POU6F2: variants seen among roughly 807,000 people sequenced by gnomAD.
The protein encoded by POU6F2 is POU class 6 homeobox 2.
In POU6F2, 31 loss-of-function variants were observed where a neutral mutation model predicts 71.3. The observed-to-expected ratio is 0.43, with a 90% CI of 0.33 to 0.59. The LOEUF (loss-of-function observed/expected upper bound fraction) is 0.59. Among genes scored for constraint, POU6F2 ranks in the 20% least tolerant of loss-of-function variants. The pLI is 0.04. For missense variants in POU6F2, 783 were observed against 856.8 expected, an observed-to-expected ratio of 0.91 and a Z score of 1.07; for synonymous variants, 347 against 355.7, an observed-to-expected ratio of 0.98 and a Z score of 0.27.
chr7:39,033,842 G>T (rs1398724422), intron 1 of POU6F2, among the ~76,000 whole-genome samples: 1 of 152,214 alleles, frequency 6.6e-6, no homozygotes, highest in East Asian at 1.9e-4. Flanking sequence ...GCTAGTGGAT[G>T]TATTCAGGGT....
chr7:39,313,583 G>T (rs1406287718), intron 4 of POU6F2, among the ~76,000 whole-genome samples: 1 of 152,002 alleles, frequency 6.6e-6, no homozygotes, highest in Non-Finnish European at 1.5e-5. Flanking sequence ...ATAAATCAGG[G>T]TCTAAGTCCA....
intron 1 of POU6F2, among the ~76,000 whole-genome samples, chr7:38,991,844 C>T (rs1788610919): frequency 6.6e-6 from 1 of 151,502 alleles, no homozygotes. Context: ...TCACTTCTCT[C>T]TCTCTCTCTC....
intron 2 of POU6F2, among the ~76,000 whole-genome samples, chr7:39,148,994 A>T (rs1375999967): frequency 2.6e-5 from 4 of 152,262 alleles, no homozygotes; most frequent in Middle Eastern, 6.8e-3. Flanking sequence ...GAGCATATTT[A>T]TTTGCTGAGG....
chr7:39,050,656 GT>G (rs1197191292), intron 1 of POU6F2, among the ~76,000 whole-genome samples: 2 of 152,070 alleles, frequency 1.3e-5, no homozygotes, highest in African/African-American at 4.8e-5. Flanking sequence ...GTTGCTTATT[GT>G]TGACATCTCT....
chr7:39,369,964 C>T (rs1022176381), intron 5 of POU6F2, among the ~76,000 whole-genome samples: 8 of 152,048 alleles, frequency 5.3e-5, no homozygotes, highest in African/African-American at 1.9e-4. Context: ...AAAGTACTGC[C>T]ACCGCACCCA....
intron 7 of POU6F2, among the ~76,000 whole-genome samples, chr7:39,449,682 A>C (rs567637329): frequency 1.3e-5 from 2 of 152,312 alleles, no homozygotes; most frequent in Admixed American, 6.5e-5. Flanking sequence ...TCATAGCCCC[A>C]AACTGGAAAC....
At chr7:39,205,550 T>C (rs1793993713) in intron 3 of POU6F2, among the ~76,000 whole-genome samples, 1 of 152,160 alleles carries the variant, frequency 6.6e-6, no homozygotes, top group African/African-American at 2.4e-5. Flanking sequence ...GAGCTACTTA[T>C]TTGCCTTCCC....
At chr7:39,105,574 T>G (rs1324778340) in intron 2 of POU6F2, among the ~76,000 whole-genome samples, 1 of 152,128 alleles carries the variant, frequency 6.6e-6, no homozygotes, top group Non-Finnish European at 1.5e-5. Context: ...GTATTCTTGG[T>G]GCTTTAGATA....
intron 4 of POU6F2, among the ~76,000 whole-genome samples, chr7:39,213,803 C>T (rs1171423757): frequency 1.3e-5 from 2 of 152,220 alleles, no homozygotes; most frequent in Non-Finnish European, 2.9e-5. Flanking sequence ...TCCCAGTGGG[C>T]AGACATCACG....
intron 1 of POU6F2, among the ~76,000 whole-genome samples, chr7:39,058,700 T>C (rs1333564269): frequency 6.6e-6 from 1 of 152,188 alleles, no homozygotes; most frequent in East Asian, 1.9e-4. Context: ...ATTAGGAGAA[T>C]AAATTATTCT....
intron 6 of POU6F2, among the ~76,000 whole-genome samples, chr7:39,418,183 T>C (rs1787726564): frequency 6.6e-6 from 1 of 152,240 alleles, no homozygotes; most frequent in South Asian, 2.1e-4. Flanking sequence ...TATTTTGTTT[T>C]GTTCACTGCA....
intron 6 of POU6F2, among the ~76,000 whole-genome samples, chr7:39,432,719 G>T (rs1788137505): frequency 6.6e-6 from 1 of 152,126 alleles, no homozygotes; most frequent in African/African-American, 2.4e-5. Flanking sequence ...ACTCTTCCCA[G>T]GTGGAAGAGG....
chr7:39,030,866 AAATTG>A (rs1789926218), intron 1 of POU6F2, among the ~76,000 whole-genome samples: 1 of 151,776 alleles, frequency 6.6e-6, no homozygotes, highest in Non-Finnish European at 1.5e-5. Flanking sequence ...CCCCAAAAAA[AAATTG>A]AACTAAACTT....
At chr7:39,027,921 T>G (rs859543) in intron 1 of POU6F2, among the ~76,000 whole-genome samples, 150,100 of 152,298 alleles carry the variant, frequency 0.99, 74,006 homozygotes, top group East Asian at 1. Context: ...ATGCCAATTT[T>G]TATTTCAGAT....
intron 1 of POU6F2, among the ~76,000 whole-genome samples, chr7:39,051,888 G>C (rs1016142581): frequency 6.6e-6 from 1 of 152,026 alleles, no homozygotes. Context: ...TGAAGCTGAG[G>C]GTGTCCTTGT....
At chr7:39,211,744 C>G (rs4723831) in intron 4 of POU6F2, among the ~76,000 whole-genome samples, 15 of 152,276 alleles carry the variant, frequency 9.9e-5, no homozygotes, top group Non-Finnish European at 1.6e-4. Flanking sequence ...GAGCATCCAG[C>G]AAACCACAAG....
At chr7:39,413,256 A>G (rs940291790) in intron 6 of POU6F2, among the ~76,000 whole-genome samples, 1 of 152,184 alleles carries the variant, frequency 6.6e-6, no homozygotes, top group African/African-American at 2.4e-5. Context: ...TTCTTCTCCC[A>G]TTCCCAAGGT....
chr7:39,195,858 G>T (rs4452709), intron 2 of POU6F2, among the ~76,000 whole-genome samples: 141,163 of 152,144 alleles, frequency 0.93, 65,602 homozygotes, highest in East Asian at 1. Flanking sequence ...AATGCAGGTA[G>T]CAGGTAAGAA....
chr7:39,007,536 CTTA>C (rs1789110247), intron 1 of POU6F2, among the ~76,000 whole-genome samples: 1 of 151,756 alleles, frequency 6.6e-6, no homozygotes, highest in African/African-American at 2.4e-5. Flanking sequence ...ACTTTTTTTT[CTTA>C]TTATACTTTA....
Sources: gnomAD v4.1 joint callset for allele counts (sites outside exome capture counted in the v4.1 genomes callset) on GRCh38, gnomAD v4.1.1 for gene constraint, MANE v1.5 for transcripts, NCBI Gene and HGNC (gene_info 2026-07-23, HGNC 2026-07-21) for gene names.